Variants in RIT2 observed in about 807,000 individuals in gnomAD.
RIT2 encodes the protein Ras like without CAAX 2, also known as GTP-binding protein Rit2.
RIT2 carries 24 observed loss-of-function variants against 23.7 expected under a neutral mutation model. That is an observed-to-expected ratio of 1.01 (90% CI 0.73 to 1.43). The LOEUF is 1.43. Among genes scored for constraint, RIT2 ranks in the 40% most tolerant of loss-of-function variants. RIT2 has a pLI of 0.00. For missense variants in RIT2, 236 were observed against 266.9 expected, an observed-to-expected ratio of 0.88 and a Z score of 0.81; for synonymous variants, 107 against 91.1, an observed-to-expected ratio of 1.17 and a Z score of -0.99.
chr18:42,976,198 T>C (rs1910474664), intron 2 of RIT2, among the ~76,000 whole-genome samples: 1 of 151,926 alleles, frequency 6.6e-6, no homozygotes, highest in Non-Finnish European at 1.5e-5. Context: ...AAATGCTTCC[T>C]GGGAGAAGTA....
chr18:43,026,661 T>C (rs1177475992), intron 2 of RIT2, among the ~76,000 whole-genome samples: 1 of 148,296 alleles, frequency 6.7e-6, no homozygotes, highest in Non-Finnish European at 1.5e-5. Context: ...AGGCTGTAGA[T>C]GAAAAAGTTT....
intron 4 of RIT2, among the ~76,000 whole-genome samples, chr18:42,869,796 T>A (rs945367479): frequency 3.9e-5 from 6 of 152,156 alleles, no homozygotes; most frequent in African/African-American, 1.2e-4. Context: ...GTAAATAAGT[T>A]CTCCCTTTTT....
intron 1 of RIT2, among the ~76,000 whole-genome samples, chr18:43,059,251 A>G (rs992942941): frequency 2.0e-5 from 3 of 152,256 alleles, no homozygotes; most frequent in Middle Eastern, 3.4e-3. Flanking sequence ...TGACACTGTG[A>G]CATGGGTATA....
chr18:42,801,413 A>G (rs1202306205), intron 4 of RIT2, among the ~76,000 whole-genome samples: 1 of 152,226 alleles, frequency 6.6e-6, no homozygotes, highest in Non-Finnish European at 1.5e-5. Context: ...TGGAAGGCAG[A>G]AAGATCCAGA....
chr18:42,771,711 A>G (rs1029326499), intron 4 of RIT2, among the ~76,000 whole-genome samples: 4 of 152,066 alleles, frequency 2.6e-5, no homozygotes, highest in African/African-American at 9.7e-5. Flanking sequence ...TTTTCCAGAT[A>G]ATTTGTGTTA....
intron 3 of RIT2, among the ~76,000 whole-genome samples, chr18:42,963,416 T>C (rs1198667302): frequency 6.6e-6 from 1 of 152,204 alleles, no homozygotes; most frequent in Non-Finnish European, 1.5e-5. Context: ...AGAAAATAAC[T>C]GGAAAACTGG....
chr18:42,774,090 T>C (rs1913610502), intron 4 of RIT2, among the ~76,000 whole-genome samples: 1 of 152,158 alleles, frequency 6.6e-6, no homozygotes, highest in African/African-American at 2.4e-5. Flanking sequence ...AGGTTAACAC[T>C]TCCTTTAAAC....
intron 4 of RIT2, among the ~76,000 whole-genome samples, chr18:42,851,888 C>T (rs953777956): frequency 6.6e-6 from 1 of 152,078 alleles, no homozygotes; most frequent in Non-Finnish European, 1.5e-5. Context: ...GGTCTCACAG[C>T]AGTGCACTGT....
chr18:42,943,653 G>A (rs918738075), intron 3 of RIT2, among the ~76,000 whole-genome samples: 8 of 152,022 alleles, frequency 5.3e-5, no homozygotes, highest in Non-Finnish European at 1.2e-4. Context: ...TTAGAAGTTT[G>A]ATAAATTTTT....
chr18:42,988,079 T>C (rs1383850339), intron 2 of RIT2, among the ~76,000 whole-genome samples: 1 of 152,182 alleles, frequency 6.6e-6, no homozygotes, highest in Non-Finnish European at 1.5e-5. Context: ...AGTAGATGTA[T>C]AAATCAACTC....
At chr18:43,092,828 G>C (rs1598780694) in intron 1 of RIT2, among the ~76,000 whole-genome samples, 1 of 152,034 alleles carries the variant, frequency 6.6e-6, no homozygotes, top group African/African-American at 2.4e-5. Flanking sequence ...TGAAACGTAG[G>C]TTCTATAAAC....
chr18:42,743,663 T>G lies in RIT2; in HGVS notation c.484A>C (p.Thr162Pro). The change falls in exon 5 of 5, where the codon ACC (threonine) becomes CCC (proline). Residue 162 changes from threonine (T) to proline (P), a missense_variant. By Grantham distance (38) the Thr-to-Pro change is conservative (BLOSUM62 -1). Coordinates refer to ENST00000326695, the MANE Select transcript of RIT2 (RefSeq NM_002930.4). Reference sequence around the variant, plus strand: ...ATACAGAATCTGAGGGCTGCAGAGGTCTCAAAAAAACCACAATTATATTCT... The same window carrying G: ...ATACAGAATCTGAGGGCTGCAGAGGGCTCAAAAAAACCACAATTATATTCT... The part of the protein sequence containing the change: ...AQEYNCGFFE[T>P]SAALRFCIDD... 6.2e-7 allele frequency: 1 copy of G among 1,613,660 alleles called. No homozygotes were observed. Among genetic ancestry groups the G allele is most frequent in the Non-Finnish European group, 8.5e-7 (1 of 1,179,914 alleles).
chr18:42,812,970 C>T (rs1310085601), intron 4 of RIT2, among the ~76,000 whole-genome samples: 1 of 152,046 alleles, frequency 6.6e-6, no homozygotes, highest in Admixed American at 6.6e-5. Context: ...TGCTTTAAAC[C>T]ATATTCTGTT....
At chr18:42,950,509 A>G (rs1909824994) in intron 3 of RIT2, among the ~76,000 whole-genome samples, 2 of 152,106 alleles carry the variant, frequency 1.3e-5, no homozygotes, top group South Asian at 2.1e-4. Context: ...TAAGTCCCCA[A>G]AAGCAATTGC....
intron 1 of RIT2, among the ~76,000 whole-genome samples, chr18:43,102,003 G>A (rs1444699091): frequency 1.3e-5 from 2 of 152,120 alleles, no homozygotes; most frequent in African/African-American, 4.8e-5. Context: ...TTTTCATTTT[G>A]TTGTTTTGTT....
intron 4 of RIT2, among the ~76,000 whole-genome samples, chr18:42,864,029 T>C (rs998992329): frequency 2.7e-5 from 4 of 147,306 alleles, no homozygotes; most frequent in Non-Finnish European, 4.5e-5. Flanking sequence ...AATGACAAGA[T>C]TGTATAAGAA....
At chr18:42,901,982 C>T (rs1908487714) in intron 4 of RIT2, among the ~76,000 whole-genome samples, 1 of 151,856 alleles carries the variant, frequency 6.6e-6, no homozygotes. Flanking sequence ...AGAAATCCAG[C>T]TGTCTTCTTT....
intron 4 of RIT2, among the ~76,000 whole-genome samples, chr18:42,858,732 T>G (rs1182209283): frequency 6.6e-6 from 1 of 152,234 alleles, no homozygotes; most frequent in Non-Finnish European, 1.5e-5. Context: ...CCTGAGGCTG[T>G]GGCAACCACG....
At chr18:42,819,980 A>G (rs78037256) in intron 4 of RIT2, among the ~76,000 whole-genome samples, 2,052 of 152,254 alleles carry the variant, frequency 0.013, 38 homozygotes, top group African/African-American at 0.046. Context: ...TAATTTGCAT[A>G]CTTTAAGTAA....
Sources: allele counts gnomAD v4.1 joint callset (sites outside exome capture counted in the v4.1 genomes callset), GRCh38; gene constraint gnomAD v4.1.1; transcripts MANE v1.5; gene names NCBI Gene and HGNC (gene_info 2026-07-23, HGNC 2026-07-21).